Variants in FARS2 observed in about 807,000 individuals in gnomAD.
FARS2 encodes phenylalanine--tRNA ligase, mitochondrial.
FARS2 carries 40 observed loss-of-function variants against 46.4 expected under a neutral mutation model. That is an observed-to-expected ratio of 0.86 (90% CI 0.67 to 1.12). The LOEUF (loss-of-function observed/expected upper bound fraction) is 1.12, where lower values mean the gene tolerates loss of function less well. Ranked by LOEUF, FARS2 falls within the 50% of genes most tolerant of loss-of-function variation. FARS2 has a pLI of 0.00. For synonymous variants in FARS2, 234 were observed against 214.9 expected, an observed-to-expected ratio of 1.09 and a Z score of -0.78; for missense variants, 513 against 567.9, an observed-to-expected ratio of 0.90 and a Z score of 0.98.
rs1441015891 is a variant in FARS2 at position 5,373,348 on chromosome 6, A to G, written c.612+4166A>G. Among the ~76,000 whole-genome samples, 5 of 152,062 alleles carry G rather than the reference A, an allele frequency of 3.3e-5. No homozygotes were observed. In the East Asian group the frequency reaches 9.6e-4, roughly 29 times the overall value. The stretch of plus-strand genomic sequence containing the variant: ...GAAGGTGGATTAGACATTAATATAA[A>G]GGGACAACCACAGTTAACGTGTCTC... On this transcript the variant is annotated intron_variant, in intron 2 of 6. Transcript: ENST00000274680.
At chr6:5,525,499 C>A (rs1241626737) in intron 4 of FARS2, among the ~76,000 whole-genome samples, 1 of 152,266 alleles carries the variant, frequency 6.6e-6, no homozygotes, top group Admixed American at 6.5e-5. Flanking sequence ...GTGGCATTGA[C>A]CACATGCCTC....
intron 4 of FARS2, among the ~76,000 whole-genome samples, chr6:5,439,832 G>T (rs1301287739): frequency 6.6e-6 from 1 of 152,122 alleles, no homozygotes; most frequent in Non-Finnish European, 1.5e-5. Flanking sequence ...CCTTCCTCCT[G>T]CCCTCCCTTC....
intron 6 of FARS2, among the ~76,000 whole-genome samples, chr6:5,647,998 A>C (rs1777161383): frequency 6.6e-6 from 1 of 152,162 alleles, no homozygotes; most frequent in East Asian, 1.9e-4. Flanking sequence ...AATATTTTCT[A>C]CTGCATTCAG....
intron 1 of FARS2, among the ~76,000 whole-genome samples, chr6:5,341,791 T>C (rs561113994): frequency 2.4e-4 from 37 of 152,296 alleles, no homozygotes; most frequent in Admixed American, 2.3e-3. Context: ...AGTGCTAGGA[T>C]TACAGGTGGG....
At chr6:5,748,216 T>C (rs1478649505) in intron 6 of FARS2, among the ~76,000 whole-genome samples, 2 of 152,160 alleles carry the variant, frequency 1.3e-5, no homozygotes, top group Admixed American at 1.3e-4. Context: ...CCCTTCACCC[T>C]TTCCCACTGG....
At chr6:5,385,083 G>A (rs1343766290) in intron 2 of FARS2, among the ~76,000 whole-genome samples, 1 of 152,182 alleles carries the variant, frequency 6.6e-6, no homozygotes, top group Non-Finnish European at 1.5e-5. Context: ...AAAACAGGGA[G>A]GGACTTCCCA....
rs143491763 is a variant in FARS2, at chr6:5,738,845, G to A, written c.1218-32446G>A. On this transcript the variant is annotated intron_variant, in intron 6 of 6. Transcript: ENST00000274680. ...ACCAAAGAGTTGCGTGTGTATCGTTGTCGGTTTTTTTCATTTTCTAGAACG... is the reference window on the plus strand; with the variant it reads ...ACCAAAGAGTTGCGTGTGTATCGTTATCGGTTTTTTTCATTTTCTAGAACG... 8.5e-3 allele frequency among the ~76,000 whole-genome samples: 1,298 copies of A among 152,138 alleles called. 11 individuals are homozygous for A. The highest frequency in any genetic ancestry group is 0.014 in the Non-Finnish European group (980 of 68,010).
intron 6 of FARS2, among the ~76,000 whole-genome samples, chr6:5,757,996 G>C (rs571435649): frequency 6.6e-6 from 1 of 152,326 alleles, no homozygotes; most frequent in African/African-American, 2.4e-5. Flanking sequence ...GTTTCCATCA[G>C]TTTGTTATGT....
chr6:5,536,050 C>CTTTT (rs374395844), intron 4 of FARS2, among the ~76,000 whole-genome samples: 2 of 133,734 alleles, frequency 1.5e-5, no homozygotes, highest in Non-Finnish European at 3.2e-5. Context: ...TTTAATTTAT[C>CTTTT]TTTTTTTTTT....
At chr6:5,258,855 T>C (rs1425593611), upstream of FARS2, among the ~76,000 whole-genome samples, 1 of 152,202 alleles carries the variant, frequency 6.6e-6, no homozygotes, top group Admixed American at 6.5e-5. Context: ...GCCTTTCAGG[T>C]AGAGTCTTGA....
chr6:5,640,091 G>A (rs1377586243), intron 6 of FARS2, among the ~76,000 whole-genome samples: 1 of 152,138 alleles, frequency 6.6e-6, no homozygotes, highest in African/African-American at 2.4e-5. Context: ...GGGAGTGTGT[G>A]TGTTTCAAGT....
intron 5 of FARS2, among the ~76,000 whole-genome samples, chr6:5,604,096 G>A (rs1280642815): frequency 6.6e-6 from 1 of 152,232 alleles, no homozygotes; most frequent in Non-Finnish European, 1.5e-5. Context: ...GCTCCTTAAA[G>A]GCCTGGAACA....
chr6:5,294,688 TA>T (rs1409005518), intron 1 of FARS2, among the ~76,000 whole-genome samples: 1 of 152,122 alleles, frequency 6.6e-6, no homozygotes, highest in African/African-American at 2.4e-5. Flanking sequence ...ACTGGTTTTT[TA>T]TAAAGGATAT....
chr6:5,759,311 G>A (rs1762370031), intron 6 of FARS2, among the ~76,000 whole-genome samples: 1 of 152,122 alleles, frequency 6.6e-6, no homozygotes, highest in Non-Finnish European at 1.5e-5. Context: ...GCCCTTTTGT[G>A]TGGCCTCATG....
At chr6:5,679,805 CCTAT>C (rs141475996) in intron 6 of FARS2, among the ~76,000 whole-genome samples, 2,902 of 151,906 alleles carry the variant, frequency 0.019, 92 homozygotes, top group African/African-American at 0.065. Context: ...TCCCAAAACT[CCTAT>C]CTTTTTTGTC....
chr6:5,299,588 T>C (rs981175729), intron 1 of FARS2, among the ~76,000 whole-genome samples: 1 of 152,192 alleles, frequency 6.6e-6, no homozygotes, highest in African/African-American at 2.4e-5. Flanking sequence ...GCCTTGCTTT[T>C]GTTTAAAAGA....
chr6:5,266,315 T>TG (rs1371103532), intron 1 of FARS2, among the ~76,000 whole-genome samples: 1 of 152,144 alleles, frequency 6.6e-6, no homozygotes, highest in Non-Finnish European at 1.5e-5. Flanking sequence ...TGAATCCTGA[T>TG]ATGATTTGAG....
intron 6 of FARS2, among the ~76,000 whole-genome samples, chr6:5,740,736 A>G (rs1416005518): frequency 6.6e-6 from 1 of 152,164 alleles, no homozygotes; most frequent in African/African-American, 2.4e-5. Context: ...TATCCAGGAC[A>G]TTGAAGGCAG....
Position 5,643,245 on chromosome 6 carries a change from C to T in FARS2, c.1217+29925C>T, listed in dbSNP as rs1053695752. On this transcript the variant is annotated intron_variant, in intron 6 of 6. Coordinates refer to ENST00000274680, the MANE Select transcript of FARS2 (RefSeq NM_006567.5). ...GCAAAGAACTGAAATAATAATCCAC[C>T]TTTGATCAAAACTCCTTGTTATAGT... 2.0e-5 allele frequency among the ~76,000 whole-genome samples: 3 copies of T among 152,150 alleles called. No individual in the cohort carries two copies. In the South Asian group the frequency reaches 6.2e-4, roughly 32 times the overall value.
Sources: allele counts gnomAD v4.1 joint callset (sites outside exome capture counted in the v4.1 genomes callset), GRCh38; gene constraint gnomAD v4.1.1; transcripts MANE v1.5; gene names NCBI Gene and HGNC (gene_info 2026-07-23, HGNC 2026-07-21).